Variants in WDR27 observed in about 807,000 individuals in gnomAD.
WDR27 encodes the protein WD repeat domain 27.
WDR27 carries 100 observed loss-of-function variants against 114.4 expected under a neutral mutation model. That is an observed-to-expected ratio of 0.87 (90% CI 0.74 to 1.03). The LOEUF (loss-of-function observed/expected upper bound fraction) is 1.03. Among genes scored for constraint, WDR27 ranks in the 50% least tolerant of loss-of-function variants. The pLI is 0.00. For synonymous variants in WDR27, 449 were observed against 423.1 expected (o/e 1.06, Z -0.75); for missense variants, 1,129 against 1,092.9 (o/e 1.03, Z -0.47).
chr6:169,619,562 C>T (rs1031906483), intron 21 of WDR27, among the ~76,000 whole-genome samples: 2 of 152,158 alleles, frequency 1.3e-5, no homozygotes, highest in African/African-American at 4.8e-5. Flanking sequence ...TTCAGAAATA[C>T]ACTGGTTTCC....
At chr6:169,569,718 G>T (rs1354352526) in intron 25 of WDR27, among the ~76,000 whole-genome samples, 3 of 152,082 alleles carry the variant, frequency 2.0e-5, no homozygotes, top group Non-Finnish European at 4.4e-5. Context: ...TTAAAGCATT[G>T]CAAATGCCTT....
rs150721073 is a variant in WDR27, at chr6:169,496,682, C to T, written c.2646-39048G>A. Among the ~76,000 whole-genome samples the T allele has an allele frequency of 4.3e-3, 660 of 152,180 alleles. 3 individuals carry two copies. Among genetic ancestry groups the T allele is most frequent in the African/African-American group, 0.015 (637 of 41,560 alleles). On this transcript the variant is annotated intron_variant, in intron 25 of 25. Transcript: ENST00000448612. ...TGACAAGGAAGTTACAAAAACAATT[C>T]CATTCACAATAGCATCAAAAAGAAT...
At chr6:169,586,731 C>CA (rs1423984576) in intron 23 of WDR27, among the ~76,000 whole-genome samples, 1 of 150,890 alleles carries the variant, frequency 6.6e-6, no homozygotes, top group Non-Finnish European at 1.5e-5. Flanking sequence ...TGCCTGTAAT[C>CA]ACAGCTACTC....
downstream of WDR27, chr6:169,457,203 G>A (rs1784393858): frequency 5.5e-6 from 1 of 181,924 alleles, no homozygotes; most frequent in Admixed American, 6.0e-5. Flanking sequence ...GAAGACCAGA[G>A]CCAGTTAGGA....
intron 25 of WDR27, among the ~76,000 whole-genome samples, chr6:169,508,272 A>C (rs1792274194): frequency 6.6e-6 from 1 of 152,222 alleles, no homozygotes; most frequent in East Asian, 1.9e-4. Context: ...AATACATTAA[A>C]ATCAAGCTAC....
At chr6:169,602,198 A>T (rs1456101100) in intron 23 of WDR27, 21 bp downstream of exon 23, 1 of 1,508,466 alleles carries the variant, frequency 6.6e-7, no homozygotes. Flanking sequence ...CTACATTTAT[A>T]GACAGTCAAA....
chr6:169,603,861 G>C (rs1291715040), intron 22 of WDR27, among the ~76,000 whole-genome samples: 2 of 152,226 alleles, frequency 1.3e-5, no homozygotes, highest in Non-Finnish European at 2.9e-5. Context: ...AAGTGCTCTA[G>C]AAGTGTAATT....
rs1796853306 is a variant in WDR27 at position 169,541,520 on chromosome 6, A to G, written c.2645+30899T>C. Among the ~76,000 whole-genome samples, 5 of 152,348 alleles carry G rather than the reference A, an allele frequency of 3.3e-5. No homozygotes were observed. In the South Asian group the frequency reaches 1.0e-3, roughly 32 times the overall value. ...AACGTGTGCTGAGAATTGCAGAACC[A>G]GCCAGCCTGGCCTTCAGGCACGAGG... On this transcript the variant is annotated intron_variant, in intron 25 of 25. Coordinates refer to ENST00000448612, the MANE Select transcript of WDR27 (RefSeq NM_182552.5).
chr6:169,607,124 T>C (rs1809362867), intron 22 of WDR27, among the ~76,000 whole-genome samples: 1 of 152,174 alleles, frequency 6.6e-6, no homozygotes, highest in Non-Finnish European at 1.5e-5. Context: ...AGGGAAAGTT[T>C]ATACAATGCT....
chr6:169,629,083 G>A (rs983451763), intron 21 of WDR27, among the ~76,000 whole-genome samples: 1 of 152,148 alleles, frequency 6.6e-6, no homozygotes, highest in African/African-American at 2.4e-5. Context: ...GAACAGAGAG[G>A]AAAGGAAATA....
intron 25 of WDR27, among the ~76,000 whole-genome samples, chr6:169,510,043 C>T (rs1792601055): frequency 6.6e-6 from 1 of 152,210 alleles, no homozygotes; most frequent in Non-Finnish European, 1.5e-5. Flanking sequence ...CTCATCATCA[C>T]TGGCCATCAG....
chr6:169,462,951 G>T (rs1415188189), intron 25 of WDR27, among the ~76,000 whole-genome samples: 3 of 152,140 alleles, frequency 2.0e-5, no homozygotes, highest in African/African-American at 7.2e-5. Context: ...ACTAAGAATA[G>T]AAGGAAGTTA....
intron 24 of WDR27, among the ~76,000 whole-genome samples, chr6:169,577,836 G>T (rs560902297): frequency 3.9e-5 from 6 of 152,246 alleles, no homozygotes; most frequent in Admixed American, 2.6e-4. Context: ...CCTTGGGCTA[G>T]GACTTAGACC....
At chr6:169,481,064 T>C (rs1787974052) in intron 25 of WDR27, among the ~76,000 whole-genome samples, 1 of 151,200 alleles carries the variant, frequency 6.6e-6, no homozygotes, top group South Asian at 2.1e-4. Context: ...ATCTAGCTAA[T>C]CTGGTAGTGA....
intron 23 of WDR27, among the ~76,000 whole-genome samples, chr6:169,583,474 TGTGTGTATATATAC>T (rs1803878274): frequency 6.4e-5 from 1 of 15,728 alleles, no homozygotes; most frequent in Non-Finnish European, 1.7e-4. Flanking sequence ...TGTGTGTGTG[TGTGTGTATATATAC>T]ATATATATAT....
chr6:169,570,532 T>C (rs1287516830), intron 25 of WDR27, among the ~76,000 whole-genome samples: 4 of 152,168 alleles, frequency 2.6e-5, no homozygotes, highest in Non-Finnish European at 1.5e-5. Flanking sequence ...TCTGTTATCT[T>C]TAAAAAGCTC....
intron 23 of WDR27, among the ~76,000 whole-genome samples, chr6:169,600,473 T>C (rs1261213391): frequency 6.6e-6 from 1 of 152,144 alleles, no homozygotes; most frequent in Non-Finnish European, 1.5e-5. Context: ...AGAATGACTT[T>C]GACAAGTTGA....
intron 24 of WDR27, among the ~76,000 whole-genome samples, chr6:169,577,694 T>G (rs9383500): frequency 0.11 from 16,598 of 152,166 alleles, 1,956 homozygotes; most frequent in East Asian, 0.58. Flanking sequence ...GGCCTTTTCC[T>G]CCGCGGCCCA....
At chr6:169,450,697 T>C in the WDR27 span, among the ~76,000 whole-genome samples, 1 of 152,296 alleles carries the variant, frequency 6.6e-6, no homozygotes, top group Admixed American at 6.5e-5. Context: ...TGAGTGAGTC[T>C]AGAGACTTCA....
Sources: allele counts gnomAD v4.1 joint callset (sites outside exome capture counted in the v4.1 genomes callset), GRCh38; gene constraint gnomAD v4.1.1; transcripts MANE v1.5; gene names NCBI Gene and HGNC (gene_info 2026-07-23, HGNC 2026-07-21).